Variants in ADAMTS19 observed in about 807,000 individuals in gnomAD.
The protein encoded by ADAMTS19 is A disintegrin and metalloproteinase with thrombospondin motifs 19.
A neutral mutation model predicts 153.3 loss-of-function variants in ADAMTS19; 93 were observed. The ratio of observed to expected loss-of-function variants is 0.61; its 90% confidence interval spans 0.51 to 0.72. ADAMTS19 has a LOEUF of 0.72. Ranked by LOEUF, ADAMTS19 falls within the 30% of genes least tolerant of loss-of-function variation. The pLI, the probability that ADAMTS19 is intolerant of heterozygous loss-of-function variation, is 0.00. For synonymous variants in ADAMTS19, 600 were observed against 556.6 expected (o/e 1.08, Z -1.10); for missense variants, 1,482 against 1,552.1 (o/e 0.95, Z 0.76).
At chr5:129,465,608 A>G (rs1475962375) in intron 2 of ADAMTS19, among the ~76,000 whole-genome samples, 3 of 152,174 alleles carry the variant, frequency 2.0e-5, no homozygotes, top group Non-Finnish European at 4.4e-5. Context: ...AAAGTTTTAA[A>G]CAATTAAATA....
chr5:129,635,765 T>A (rs1310494147), intron 10 of ADAMTS19, among the ~76,000 whole-genome samples: 1 of 151,974 alleles, frequency 6.6e-6, no homozygotes, highest in Non-Finnish European at 1.5e-5. Flanking sequence ...AGGGAAAGGA[T>A]CAGGAAAAAT....
At chr5:129,622,098 T>C (rs1751802053) in intron 9 of ADAMTS19, 100 bp from the exon 10 acceptor site, 1 of 1,142,198 alleles carries the variant, frequency 8.8e-7, no homozygotes, top group Non-Finnish European at 1.3e-6. Flanking sequence ...CTTAGAGATA[T>C]ATTTTTGATA....
At chr5:129,698,172 TTATTA>T (rs1172474943) in intron 19 of ADAMTS19, among the ~76,000 whole-genome samples, 1 of 152,196 alleles carries the variant, frequency 6.6e-6, no homozygotes, top group African/African-American at 2.4e-5. Flanking sequence ...TTGTTAGAGA[TTATTA>T]TCTCCCTTCC....
chr5:129,684,575 C>G (rs1754988748), intron 18 of ADAMTS19, among the ~76,000 whole-genome samples: 1 of 150,754 alleles, frequency 6.6e-6, no homozygotes, highest in South Asian at 2.1e-4. Context: ...AGGGGCCTCC[C>G]CAGACACCAT....
intron 21 of ADAMTS19, among the ~76,000 whole-genome samples, chr5:129,722,854 G>T (rs987660397): frequency 1.3e-5 from 2 of 152,110 alleles, no homozygotes; most frequent in African/African-American, 4.8e-5. Flanking sequence ...TGTGATAGAA[G>T]AAAGGATTTC....
intron 16 of ADAMTS19, among the ~76,000 whole-genome samples, chr5:129,673,012 T>C (rs187862308): frequency 6.6e-6 from 1 of 152,202 alleles, no homozygotes; most frequent in East Asian, 1.9e-4. Context: ...TACCTTATTA[T>C]ACTATAATAC....
intron 7 of ADAMTS19, among the ~76,000 whole-genome samples, chr5:129,557,579 A>G (rs569851859): frequency 1.3e-5 from 2 of 152,282 alleles, no homozygotes; most frequent in African/African-American, 2.4e-5. Flanking sequence ...AGCCTTGGCA[A>G]CAGAGTGAGG....
chr5:129,652,974 GA>G (rs1327948516), intron 13 of ADAMTS19, among the ~76,000 whole-genome samples: 1 of 152,096 alleles, frequency 6.6e-6, no homozygotes, highest in East Asian at 1.9e-4. Flanking sequence ...CATCTTAAAG[GA>G]AAATTTCAAA....
intron 3 of ADAMTS19, among the ~76,000 whole-genome samples, chr5:129,525,076 A>G (rs866454035): frequency 1.3e-5 from 2 of 152,024 alleles, no homozygotes; most frequent in African/African-American, 4.8e-5. Flanking sequence ...TTCTTTATCC[A>G]TATACTATTG....
At chr5:129,680,861 C>T (rs550238112) in intron 17 of ADAMTS19, among the ~76,000 whole-genome samples, 77 of 152,062 alleles carry the variant, frequency 5.1e-4, no homozygotes, top group Middle Eastern at 3.4e-3. Context: ...GGTGGCAGGT[C>T]CATGTGCCCC....
intron 7 of ADAMTS19, among the ~76,000 whole-genome samples, chr5:129,595,338 CT>C (rs1248374542): frequency 3.3e-5 from 5 of 152,138 alleles, no homozygotes; most frequent in African/African-American, 9.6e-5. Context: ...CATCAAAAAT[CT>C]TCCTCTTGTC....
At chr5:129,499,008 A>T (rs1364421420) in intron 2 of ADAMTS19, among the ~76,000 whole-genome samples, 1 of 152,036 alleles carries the variant, frequency 6.6e-6, no homozygotes, top group Non-Finnish European at 1.5e-5. Context: ...CAGGTATTTA[A>T]TAGGTATATT....
chr5:129,600,358 G>GA, intron 8 of ADAMTS19, among the ~76,000 whole-genome samples: 1 of 151,862 alleles, frequency 6.6e-6, no homozygotes. Flanking sequence ...TTTTATAAGT[G>GA]AAGACTATCT....
At chr5:129,675,527 T>C (rs1754513062) in intron 16 of ADAMTS19, among the ~76,000 whole-genome samples, 1 of 152,190 alleles carries the variant, frequency 6.6e-6, no homozygotes, top group Admixed American at 6.5e-5. Context: ...AAAGTGTTTG[T>C]AAATCAGTTC....
At chr5:129,647,632 G>T in intron 11 of ADAMTS19, 133 bp from the exon 12 acceptor site, 1 of 996,342 alleles carries the variant, frequency 1.0e-6, no homozygotes, top group Non-Finnish European at 1.4e-6. Flanking sequence ...ACTTATTTTT[G>T]GTCTTTCCTA....
At chr5:129,572,123 GA>G (rs1753933353) in intron 7 of ADAMTS19, among the ~76,000 whole-genome samples, 1 of 151,786 alleles carries the variant, frequency 6.6e-6, no homozygotes, top group African/African-American at 2.4e-5. Context: ...TCCATGAAAG[GA>G]AAAATGATAA....
chr5:129,564,167 T>A (rs75781682), intron 7 of ADAMTS19, among the ~76,000 whole-genome samples: 1 of 152,140 alleles, frequency 6.6e-6, no homozygotes. Flanking sequence ...AGCAAAAACC[T>A]GCATGAGTTT....
intron 16 of ADAMTS19, among the ~76,000 whole-genome samples, chr5:129,677,023 C>T (rs1396778876): frequency 6.6e-6 from 1 of 152,070 alleles, no homozygotes; most frequent in Non-Finnish European, 1.5e-5. Context: ...TAGTACATAT[C>T]TAGGCCAAAA....
At chr5:129,633,584 T>C (rs893584025) in intron 10 of ADAMTS19, among the ~76,000 whole-genome samples, 2 of 152,178 alleles carry the variant, frequency 1.3e-5, no homozygotes, top group East Asian at 1.9e-4. Context: ...AGAGACCACC[T>C]GGCCAAGAAG....
Sources: allele counts gnomAD v4.1 joint callset (sites outside exome capture counted in the v4.1 genomes callset), GRCh38; gene constraint gnomAD v4.1.1; transcripts MANE v1.5; gene names NCBI Gene and HGNC (gene_info 2026-07-23, HGNC 2026-07-21).